The following TNIK variants were observed in gnomAD, a reference collection of about 807,000 sequenced individuals.
TNIK encodes the protein TRAF2 and NCK interacting kinase, also known as TRAF2 and NCK-interacting protein kinase.
In TNIK, 49 loss-of-function variants were observed where a neutral mutation model predicts 191.3. That is an observed-to-expected ratio of 0.26 (90% CI 0.20 to 0.32). The LOEUF is 0.32. Ranked by LOEUF, TNIK falls within the 10% of genes least tolerant of loss-of-function variation. TNIK has a pLI of 1.00. For synonymous variants in TNIK, 594 were observed against 600.9 expected (o/e 0.99, Z 0.17); for missense variants, 1,155 against 1,702.3 (o/e 0.68, Z 5.66).
rs562678798 is a variant in TNIK, at chr3:171,415,559, T to C, written c.57+44448A>G. On this transcript the variant is annotated intron_variant, in intron 1 of 32. Coordinates refer to ENST00000436636, the MANE Select transcript of TNIK (RefSeq NM_015028.4). ...AAACAAATCTCACAACTAAGATAAATGCACAAAAAAAATTAGTGCATGGAT... is the reference window on the plus strand; with the variant it reads ...AAACAAATCTCACAACTAAGATAAACGCACAAAAAAAATTAGTGCATGGAT... Among the ~76,000 whole-genome samples the C allele has an allele frequency of 2.6e-5, 4 of 152,084 alleles. No homozygotes were observed. The South Asian group carries it at 8.3e-4, about 32-fold the overall frequency.
intron 6 of TNIK, 78 bp from the exon 7 acceptor site, chr3:171,188,910 A>G: frequency 5.2e-6 from 8 of 1,529,424 alleles, no homozygotes; most frequent in Non-Finnish European, 6.2e-6. Context: ...GAATTATTTT[A>G]TTGTGGTAAA....
intron 27 of TNIK, among the ~76,000 whole-genome samples, chr3:171,081,489 G>A (rs1225716473): frequency 6.7e-6 from 1 of 149,226 alleles, no homozygotes; most frequent in Non-Finnish European, 1.5e-5. Context: ...CTGGTCTGGG[G>A]GTGCAGCCTA....
chr3:171,161,874 C>T (rs1277611406), intron 10 of TNIK, among the ~76,000 whole-genome samples: 1 of 151,978 alleles, frequency 6.6e-6, no homozygotes, highest in Non-Finnish European at 1.5e-5. Flanking sequence ...GAGCCAAGAT[C>T]GTGCCACTGC....
chr3:171,101,270 T>C (rs1723507333), intron 22 of TNIK, among the ~76,000 whole-genome samples, 179 bp downstream of exon 22: 1 of 152,122 alleles, frequency 6.6e-6, no homozygotes, highest in Admixed American at 6.5e-5. Context: ...TTCTAAGTGA[T>C]TGTGTCCATA....
intron 2 of TNIK, among the ~76,000 whole-genome samples, chr3:171,297,456 A>C (rs764402846): frequency 3.3e-5 from 5 of 152,200 alleles, no homozygotes; most frequent in Admixed American, 6.5e-5. Context: ...AGTGATATTA[A>C]TAAAACTAAC....
intron 2 of TNIK, among the ~76,000 whole-genome samples, chr3:171,302,689 T>G (rs533682784): frequency 6.6e-6 from 1 of 152,334 alleles, no homozygotes; most frequent in African/African-American, 2.4e-5. Flanking sequence ...TAAAGGAAAG[T>G]CATTAATTCT....
chr3:171,120,031 G>T (rs1337656174), intron 18 of TNIK, among the ~76,000 whole-genome samples: 1 of 152,152 alleles, frequency 6.6e-6, no homozygotes, highest in East Asian at 1.9e-4. Context: ...GGAGTTATTT[G>T]GGGGAGAAGG....
chr3:171,337,475 A>G (rs1169716277), intron 2 of TNIK, among the ~76,000 whole-genome samples: 2 of 152,234 alleles, frequency 1.3e-5, no homozygotes, highest in Non-Finnish European at 2.9e-5. Context: ...CTTTGCATGT[A>G]AATACGGTTT....
intron 15 of TNIK, among the ~76,000 whole-genome samples, chr3:171,136,634 T>A (rs1040233378): frequency 6.6e-6 from 1 of 152,198 alleles, no homozygotes; most frequent in African/African-American, 2.4e-5. Context: ...GACATTAGCT[T>A]TGTAGAGGCT....
intron 1 of TNIK, among the ~76,000 whole-genome samples, chr3:171,423,815 CT>C (rs1239407719): frequency 6.6e-6 from 1 of 152,138 alleles, no homozygotes; most frequent in Non-Finnish European, 1.5e-5. Context: ...TTCCTTACAC[CT>C]TATACAAAAA....
chr3:171,151,726 T>C (rs1446350777), intron 12 of TNIK, among the ~76,000 whole-genome samples: 2 of 152,180 alleles, frequency 1.3e-5, no homozygotes, highest in African/African-American at 2.4e-5. Flanking sequence ...AATTTCACTC[T>C]CTACTGAATT....
chr3:171,430,433 A>G (rs1322794963), intron 1 of TNIK, among the ~76,000 whole-genome samples: 1 of 152,124 alleles, frequency 6.6e-6, no homozygotes, highest in Non-Finnish European at 1.5e-5. Flanking sequence ...TGAGGCCAGG[A>G]GTTTGAGACC....
intron 2 of TNIK, among the ~76,000 whole-genome samples, chr3:171,332,307 T>C (rs751421746): frequency 3.0e-4 from 45 of 152,268 alleles, no homozygotes; most frequent in Non-Finnish European, 6.2e-4. Context: ...ACTTGTTTAC[T>C]GTTTTTGGCT....
chr3:171,372,449 A>T (rs931719234), intron 1 of TNIK, among the ~76,000 whole-genome samples: 1 of 152,240 alleles, frequency 6.6e-6, no homozygotes, highest in South Asian at 2.1e-4. Context: ...CCTCAGAATC[A>T]ACACCTGCCG....
intron 3 of TNIK, 54 bp from the exon 4 acceptor site, chr3:171,211,295 G>T (rs1042130438): frequency 1.0e-5 from 16 of 1,545,344 alleles, no homozygotes; most frequent in Non-Finnish European, 1.4e-5. Flanking sequence ...TTGTTAGTAG[G>T]ATTCTGTTCT....
chr3:171,341,041 A>G (rs746426071), intron 2 of TNIK, among the ~76,000 whole-genome samples: 27 of 152,358 alleles, frequency 1.8e-4, no homozygotes, highest in Non-Finnish European at 2.9e-4. Context: ...TGGAAAATAT[A>G]TAACAGACTA....
Position 171,413,102 on chromosome 3 carries a change from CAA to C in TNIK, c.58-43419_58-43418del, listed in dbSNP as rs751773636. On this transcript the variant is annotated intron_variant, in intron 1 of 32. Transcript: ENST00000436636. ...ATGCAGTATTCATAACTCAGGGAAA[CAA>C]TGTGCATTTTCCTTTTATTTTTAAC... 5.3e-5 allele frequency among the ~76,000 whole-genome samples: 8 copies of C among 152,198 alleles called. No homozygotes were observed. In the East Asian group the frequency reaches 5.8e-4, roughly 11 times the overall value.
At chr3:171,128,630 CAT>C in intron 16 of TNIK, 82 bp downstream of exon 16, 1 of 1,444,834 alleles carries the variant, frequency 6.9e-7, no homozygotes, top group Non-Finnish European at 9.2e-7. Context: ...TGCCTGAATC[CAT>C]GTTACAATTC....
At chr3:171,121,213 T>A (rs1369149672) in intron 18 of TNIK, among the ~76,000 whole-genome samples, 1 of 152,168 alleles carries the variant, frequency 6.6e-6, no homozygotes, top group African/African-American at 2.4e-5. Flanking sequence ...AAGCAACACC[T>A]TTTAAAGTGG....
Sources: allele counts gnomAD v4.1 joint callset (sites outside exome capture counted in the v4.1 genomes callset), GRCh38; gene constraint gnomAD v4.1.1; transcripts MANE v1.5; gene names NCBI Gene and HGNC (gene_info 2026-07-23, HGNC 2026-07-21).